PLD5: variants seen among roughly 807,000 people sequenced by gnomAD.
PLD5 encodes the protein phospholipase D family member 5.
Under a neutral mutation model 61.1 loss-of-function variants are expected in PLD5, and 36 were observed. The ratio of observed to expected loss-of-function variants is 0.59; its 90% CI spans 0.45 to 0.78. PLD5 has a LOEUF of 0.78. Ranked by LOEUF, PLD5 falls within the 30% of genes least tolerant of loss-of-function variation. The pLI, the probability that PLD5 is intolerant of heterozygous loss-of-function variation, is 0.00. For missense variants in PLD5, 515 were observed against 644.4 expected (o/e 0.80, Z 2.17); for synonymous variants, 243 against 242.8 (o/e 1.00, Z -0.01).
At chr1:242,523,918 A>G (rs893076971) in intron 1 of PLD5, among the ~76,000 whole-genome samples, 170 bp downstream of exon 1, 4 of 152,210 alleles carry the variant, frequency 2.6e-5, no homozygotes, top group African/African-American at 9.6e-5. Context: ...CCCGGTCATT[A>G]AGGCAAGAAA....
intron 1 of PLD5, among the ~76,000 whole-genome samples, chr1:242,442,584 C>T (rs920178871): frequency 2.0e-5 from 3 of 152,102 alleles, no homozygotes; most frequent in Non-Finnish European, 2.9e-5. Context: ...ATTCTTTGAG[C>T]GGGGTGCTAA....
rs74984726 is a variant in PLD5 at position 242,419,394 on chromosome 1, T to G, written c.190-71152A>C. Among the ~76,000 whole-genome samples the G allele has an allele frequency of 8.7e-5, 13 of 149,870 alleles. No homozygotes were observed. The South Asian group carries it at 2.3e-3, about 27-fold the overall frequency. On this transcript the variant is annotated intron_variant, in intron 1 of 9. Transcript: ENST00000536534. ...GTGCAGTCCTGATTTTTGTTTTTTT[T>G]TTTTTTTTTTTGGCGGGGGGAGACA... is the stretch of plus-strand genomic sequence containing the variant.
In PLD5 at chr1:242,124,556, G is replaced by A; in HGVS notation, c.845C>T (p.Thr282Ile). The A allele has an allele frequency of 1.2e-6, 2 of 1,614,062 alleles. No homozygotes were observed. Among genetic ancestry groups the A allele is most frequent in the South Asian group, 2.2e-5 (2 of 91,080 alleles). Residue 282 changes from threonine to isoleucine, a missense_variant, in exon 6 of 10, where the codon ACC becomes ATC. Transcript: ENST00000536534. ...GACTCCATAGAGTCTTTTGGACCAGGTTTGAGGCACTCTGCTTTTGAATTT... is the reference window on the plus strand; with the variant it reads ...GACTCCATAGAGTCTTTTGGACCAGATTTGAGGCACTCTGCTTTTGAATTT... ...SLKFKSRVPQTWSKRLYGVYD... is the reference protein window; with the variant it reads ...SLKFKSRVPQIWSKRLYGVYD...
chr1:242,409,435 A>G (rs1664421517), intron 1 of PLD5, among the ~76,000 whole-genome samples: 1 of 151,418 alleles, frequency 6.6e-6, no homozygotes, highest in African/African-American at 2.4e-5. Flanking sequence ...AAAATTGTCC[A>G]TGTTGCCTTA....
chr1:242,230,176 G>A (rs763826700), intron 4 of PLD5, among the ~76,000 whole-genome samples: 4 of 152,284 alleles, frequency 2.6e-5, no homozygotes, highest in East Asian at 3.9e-4. Flanking sequence ...TTAAAGCTGC[G>A]TGTTTATGCC....
At chr1:242,525,865 A>G (rs890142176), upstream of PLD5, among the ~76,000 whole-genome samples, 1 of 152,224 alleles carries the variant, frequency 6.6e-6, no homozygotes, top group Admixed American at 6.5e-5. Context: ...TAGTAGTTGA[A>G]ATAAAATCCT....
At chr1:242,493,859 A>G (rs980621682) in intron 1 of PLD5, among the ~76,000 whole-genome samples, 1 of 152,170 alleles carries the variant, frequency 6.6e-6, no homozygotes, top group Non-Finnish European at 1.5e-5. Context: ...AATATGCACA[A>G]CCGCTTTCTT....
chr1:242,468,163 C>A (rs866355679), intron 1 of PLD5, among the ~76,000 whole-genome samples: 1 of 152,058 alleles, frequency 6.6e-6, no homozygotes, highest in Non-Finnish European at 1.5e-5. Flanking sequence ...AACTCACATC[C>A]CCAAATGGTA....
chr1:242,113,772 G>A, intron 7 of PLD5, 118 bp downstream of exon 7: 1 of 1,248,034 alleles, frequency 8.0e-7, no homozygotes, highest in Non-Finnish European at 1.1e-6. Flanking sequence ...TGAATGGTGT[G>A]CTCTTCCTAA....
chr1:242,360,662 G>A (rs1330665084), intron 1 of PLD5, among the ~76,000 whole-genome samples: 1 of 151,934 alleles, frequency 6.6e-6, no homozygotes, highest in African/African-American at 2.4e-5. Context: ...TGCACTCAAT[G>A]GTATGTTAGT....
intron 4 of PLD5, among the ~76,000 whole-genome samples, chr1:242,251,765 T>C (rs867982344): frequency 6.6e-6 from 1 of 151,724 alleles, no homozygotes; most frequent in South Asian, 2.1e-4. Context: ...AAAGGGTAAA[T>C]GTAAAGGTAA....
At chr1:242,377,670 C>A (rs966245512) in intron 1 of PLD5, among the ~76,000 whole-genome samples, 11 of 151,928 alleles carry the variant, frequency 7.2e-5, no homozygotes, top group Admixed American at 6.6e-5. Context: ...ATAAATAAAA[C>A]AAACAACAAA....
intron 1 of PLD5, among the ~76,000 whole-genome samples, chr1:242,480,496 G>A (rs1206548103): frequency 6.6e-6 from 1 of 151,948 alleles, no homozygotes. Flanking sequence ...AAAAAGAAAT[G>A]ATAAATCAGA....
At chr1:242,354,380 C>T (rs1660639491) in intron 1 of PLD5, among the ~76,000 whole-genome samples, 1 of 152,124 alleles carries the variant, frequency 6.6e-6, no homozygotes, top group South Asian at 2.1e-4. Context: ...AATAAAGTTG[C>T]CAAGATCCCT....
At chr1:242,191,586 G>A (rs564349001) in intron 5 of PLD5, among the ~76,000 whole-genome samples, 23 of 151,652 alleles carry the variant, frequency 1.5e-4, no homozygotes, top group Non-Finnish European at 3.1e-4. Context: ...AAGCTGTCTC[G>A]AGAAAAAAGA....
At position 242,227,878 on chromosome 1, in the gene PLD5, C is replaced by T. The variant is rs115221368; in HGVS notation, c.608-7763G>A. On this transcript the variant is annotated intron_variant, in intron 4 of 9. Transcript: ENST00000536534. The stretch of plus-strand genomic sequence containing the variant: ...ATTAGAAACAATTCACAGATAATAT[C>T]AGATACTTGTTGAGTAGGAGTAGTT... Among the ~76,000 whole-genome samples the T allele has an allele frequency of 4.2e-3, 645 of 152,334 alleles. 3 individuals carry two copies. The highest frequency in any genetic ancestry group is 0.014 in the African/African-American group (603 of 41,590).
intron 1 of PLD5, among the ~76,000 whole-genome samples, chr1:242,382,033 C>T (rs570020718): frequency 3.3e-5 from 5 of 150,576 alleles, no homozygotes; most frequent in Admixed American, 1.3e-4. Context: ...AGGTAGCCGA[C>T]GCATTGGCTG....
chr1:242,307,547 A>G (rs964253046), intron 2 of PLD5, among the ~76,000 whole-genome samples: 14 of 152,146 alleles, frequency 9.2e-5, no homozygotes, highest in African/African-American at 3.4e-4. Flanking sequence ...GTCACAAGTT[A>G]GTAGCAGAAC....
intron 1 of PLD5, among the ~76,000 whole-genome samples, chr1:242,408,045 ATTTCT>A (rs1208042403): frequency 1.4e-5 from 2 of 143,648 alleles, no homozygotes; most frequent in Non-Finnish European, 3.0e-5. Flanking sequence ...GGTCTTCATA[ATTTCT>A]TTTCATGATC....
Sources: allele counts gnomAD v4.1 joint callset (sites outside exome capture counted in the v4.1 genomes callset), GRCh38; gene constraint gnomAD v4.1.1; transcripts MANE v1.5; gene names NCBI Gene and HGNC (gene_info 2026-07-23, HGNC 2026-07-21).